The following PEPD variants were observed in gnomAD, a reference collection of about 807,000 sequenced individuals.
The protein encoded by PEPD is xaa-Pro dipeptidase.
PEPD carries 53 observed loss-of-function variants against 60.7 expected under a neutral mutation model. The observed-to-expected ratio is 0.87, with a 90% CI of 0.70 to 1.10. The LOEUF (loss-of-function observed/expected upper bound fraction) is 1.10, where lower values mean the gene tolerates loss of function less well. PEPD is among the 50% of genes least tolerant of loss of function. The pLI is 0.00. For synonymous variants in PEPD, 267 were observed against 284.1 expected, an observed-to-expected ratio of 0.94 and a Z score of 0.60; for missense variants, 711 against 711.9, an observed-to-expected ratio of 1.00 and a Z score of 0.01.
chr19:33,498,669 T>C (rs1194211120), intron 4 of PEPD, among the ~76,000 whole-genome samples: 6 of 149,076 alleles, frequency 4.0e-5, no homozygotes, highest in African/African-American at 1.5e-4. Flanking sequence ...CAGGTGCCCA[T>C]TCCACCAGGA....
intron 9 of PEPD, among the ~76,000 whole-genome samples, chr19:33,430,649 T>TAAA (rs1036284808): frequency 6.6e-6 from 1 of 152,224 alleles, no homozygotes; most frequent in Non-Finnish European, 1.5e-5. Context: ...TGTATCTTTT[T>TAAA]ATCAGAGTAA....
intron 3 of PEPD, among the ~76,000 whole-genome samples, chr19:33,503,906 C>T (rs1464992325): frequency 1.3e-5 from 2 of 152,142 alleles, no homozygotes; most frequent in African/African-American, 4.8e-5. Context: ...GTCACTTCCA[C>T]TCCCGTTATG....
At chr19:33,501,028 G>A in intron 3 of PEPD, 27 bp from the exon 4 acceptor site, 1 of 1,452,862 alleles carries the variant, frequency 6.9e-7, no homozygotes, top group Non-Finnish European at 9.7e-7. Flanking sequence ...AGGAATATCA[G>A]GGTCAGGGCT....
intron 4 of PEPD, among the ~76,000 whole-genome samples, chr19:33,496,945 C>G (rs1970618287): frequency 6.6e-6 from 1 of 152,256 alleles, no homozygotes; most frequent in Non-Finnish European, 1.5e-5. Context: ...TATGCCTTTG[C>G]CAGCGCTGGG....
At chr19:33,428,168 G>A (rs1414492471) in intron 9 of PEPD, among the ~76,000 whole-genome samples, 2 of 152,146 alleles carry the variant, frequency 1.3e-5, no homozygotes, top group Non-Finnish European at 2.9e-5. Flanking sequence ...TCTCGCCAGC[G>A]CCACCCACTG....
intron 13 of PEPD, chr19:33,389,070 T>C (rs1968149877): frequency 6.6e-6 from 1 of 152,394 alleles, no homozygotes; most frequent in Non-Finnish European, 1.5e-5. Context: ...CTGTCATTTC[T>C]GACTGTTTGG....
intron 6 of PEPD, among the ~76,000 whole-genome samples, chr19:33,480,208 G>A (rs1970288492): frequency 6.6e-6 from 1 of 152,256 alleles, no homozygotes; most frequent in Non-Finnish European, 1.5e-5. Context: ...GATGAGAAAC[G>A]ATATGCTACA....
intron 1 of PEPD, among the ~76,000 whole-genome samples, chr19:33,516,477 A>T (rs546722531): frequency 6.6e-6 from 1 of 152,242 alleles, no homozygotes; most frequent in South Asian, 2.1e-4. Context: ...CCCTGGAAAC[A>T]ACCAAGACCC....
At chr19:33,450,222 A>T (rs1053970933) in intron 9 of PEPD, among the ~76,000 whole-genome samples, 1 of 152,202 alleles carries the variant, frequency 6.6e-6, no homozygotes, top group Non-Finnish European at 1.5e-5. Flanking sequence ...AAGAACTTGG[A>T]GGCTAAGCAA....
chr19:33,408,210 G>C (rs1030891417), intron 11 of PEPD, among the ~76,000 whole-genome samples: 1 of 152,226 alleles, frequency 6.6e-6, no homozygotes. Context: ...ACAACCAGGG[G>C]ACGGGAGCTG....
intron 7 of PEPD, among the ~76,000 whole-genome samples, chr19:33,476,616 T>C (rs987342536): frequency 3.3e-5 from 5 of 152,190 alleles, no homozygotes; most frequent in African/African-American, 9.7e-5. Context: ...GTTCCCACAC[T>C]TGCCCTACAG....
intron 1 of PEPD, among the ~76,000 whole-genome samples, chr19:33,514,913 G>C (rs144409369): frequency 6.6e-6 from 1 of 151,898 alleles, no homozygotes; most frequent in Non-Finnish European, 1.5e-5. Flanking sequence ...TCTGTGTATC[G>C]TCCCCTCTCT....
At chr19:33,460,430 G>A (rs548697236) in intron 9 of PEPD, among the ~76,000 whole-genome samples, 4 of 152,202 alleles carry the variant, frequency 2.6e-5, no homozygotes, top group East Asian at 1.9e-4. Context: ...ACTGGCAATC[G>A]GGGCGCCTCC....
intron 9 of PEPD, among the ~76,000 whole-genome samples, chr19:33,418,152 T>C (rs946410460): frequency 2.0e-5 from 3 of 152,216 alleles, no homozygotes; most frequent in African/African-American, 7.2e-5. Flanking sequence ...TACCTCATGA[T>C]GTTTGGGGCC....
chr19:33,520,299 A>G (rs1971107224), intron 1 of PEPD, among the ~76,000 whole-genome samples: 1 of 152,170 alleles, frequency 6.6e-6, no homozygotes, highest in South Asian at 2.1e-4. Flanking sequence ...TCTACCCTTT[A>G]AAAGGGTCAC....
chr19:33,426,695 T>G (rs1969158061), intron 9 of PEPD, among the ~76,000 whole-genome samples: 1 of 152,238 alleles, frequency 6.6e-6, no homozygotes, highest in South Asian at 2.1e-4. Context: ...GCAGGTGGCC[T>G]TGGCTACCCC....
chr19:33,440,772 C>T (rs1969467151), intron 9 of PEPD, among the ~76,000 whole-genome samples: 1 of 152,232 alleles, frequency 6.6e-6, no homozygotes. Context: ...ACTGATTTCC[C>T]CTCTAGAGCT....
At chr19:33,464,780 T>C (rs1022025518) in intron 7 of PEPD, among the ~76,000 whole-genome samples, 4 of 152,162 alleles carry the variant, frequency 2.6e-5, no homozygotes, top group Non-Finnish European at 5.9e-5. Context: ...CCCAACAAAC[T>C]TGTGTTAATT....
At chr19:33,467,474 C>T (rs182242957) in intron 7 of PEPD, among the ~76,000 whole-genome samples, 65 of 151,990 alleles carry the variant, frequency 4.3e-4, no homozygotes, top group African/African-American at 1.4e-3. Context: ...GAGGTAAAGA[C>T]GGGTTGGAGA....
Sources: gnomAD v4.1 joint callset for allele counts (sites outside exome capture counted in the v4.1 genomes callset) on GRCh38, gnomAD v4.1.1 for gene constraint, MANE v1.5 for transcripts, NCBI Gene and HGNC (gene_info 2026-07-23, HGNC 2026-07-21) for gene names.